Variants in PTPRM observed in about 807,000 individuals in gnomAD.
PTPRM encodes the protein receptor-type tyrosine-protein phosphatase mu.
PTPRM carries 47 observed loss-of-function variants against 186.7 expected under a neutral mutation model. The observed-to-expected ratio is 0.25, with a 90% CI of 0.20 to 0.32. The LOEUF is 0.32. Ranked by LOEUF, PTPRM falls within the 10% of genes least tolerant of loss-of-function variation. The probability of loss-of-function intolerance (pLI) is 1.00; values close to 1 mark genes in which losing one functional copy is unlikely to be tolerated. For synonymous variants in PTPRM, 668 were observed against 674.9 expected (o/e 0.99, Z 0.16); for missense variants, 1,494 against 1,865.0 (o/e 0.80, Z 3.66).
chr18:7,790,094 T>G (rs544412590), intron 2 of PTPRM, among the ~76,000 whole-genome samples: 32 of 152,340 alleles, frequency 2.1e-4, no homozygotes, highest in Middle Eastern at 3.4e-3. Context: ...CAGGTGACTT[T>G]GCTTGACTTC....
At chr18:8,393,077 G>A (rs141423437) in intron 31 of PTPRM, among the ~76,000 whole-genome samples, 9 of 152,300 alleles carry the variant, frequency 5.9e-5, no homozygotes, top group East Asian at 5.8e-4. Flanking sequence ...AAATATTTGC[G>A]TAGTCCCAAA....
At chr18:7,587,218 G>A (rs1051654052) in intron 1 of PTPRM, among the ~76,000 whole-genome samples, 3 of 152,108 alleles carry the variant, frequency 2.0e-5, no homozygotes, top group African/African-American at 7.2e-5. Flanking sequence ...AATCAACTGG[G>A]CTTTCGATGA....
chr18:8,178,352 A>G (rs1212929857), intron 14 of PTPRM, among the ~76,000 whole-genome samples: 2 of 152,066 alleles, frequency 1.3e-5, no homozygotes, highest in Non-Finnish European at 1.5e-5. Flanking sequence ...TCTCCCTCCA[A>G]TCTCCATTTT....
chr18:8,179,704 G>A lies in PTPRM; in HGVS notation c.2300+35925G>A, dbSNP rs62091284. ...AGGATGGTCTTGATCTCTTGACCTC[G>A]TGATCTTCCCGCCTCAGCTTCCTAA... On this transcript the variant is annotated intron_variant, in intron 14 of 32. Transcript: ENST00000580170. Among the ~76,000 whole-genome samples the A allele has an allele frequency of 6.8e-4, 104 of 152,038 alleles. 2 individuals carry two copies. Among genetic ancestry groups the A allele is most frequent in the African/African-American group, 2.1e-3 (88 of 41,466 alleles).
At chr18:7,587,646 ACCC>A (rs1473464643) in intron 1 of PTPRM, among the ~76,000 whole-genome samples, 3 of 152,102 alleles carry the variant, frequency 2.0e-5, no homozygotes, top group Admixed American at 6.6e-5. Context: ...ATCTTGTTTA[ACCC>A]AGAAATATGA....
intron 7 of PTPRM, among the ~76,000 whole-genome samples, chr18:7,978,255 T>C (rs954247999): frequency 3.3e-5 from 5 of 152,204 alleles, no homozygotes; most frequent in Admixed American, 1.3e-4. Context: ...GTGAGGTGAC[T>C]AGTCGTATAG....
chr18:7,817,111 A>G lies in PTPRM; in HGVS notation c.196+42840A>G, dbSNP rs1201850868. 3.3e-5 allele frequency among the ~76,000 whole-genome samples: 5 copies of G among 151,308 alleles called. No individual in the cohort carries two copies. The South Asian group carries it at 1.0e-3, about 31-fold the overall frequency. The stretch of plus-strand genomic sequence containing the variant: ...TGCCTCAGCCTCCCGAGTAGCTGGG[A>G]TTACAGACATGTGCCACTATGCCTG... On this transcript the variant is annotated intron_variant, in intron 2 of 32. Coordinates refer to ENST00000580170, the MANE Select transcript of PTPRM (RefSeq NM_001105244.2).
chr18:8,227,769 A>C (rs1733414805), intron 14 of PTPRM, among the ~76,000 whole-genome samples: 1 of 152,242 alleles, frequency 6.6e-6, no homozygotes, highest in African/African-American at 2.4e-5. Context: ...ATCTTGCTGC[A>C]GAGTGACATT....
At chr18:7,724,299 A>G (rs1336372953) in intron 1 of PTPRM, among the ~76,000 whole-genome samples, 2 of 152,202 alleles carry the variant, frequency 1.3e-5, no homozygotes, top group Non-Finnish European at 2.9e-5. Flanking sequence ...CACAAAGACA[A>G]TCATGATCGT....
intron 4 of PTPRM, among the ~76,000 whole-genome samples, chr18:7,911,045 T>G (rs1317129621): frequency 1.3e-5 from 2 of 152,242 alleles, no homozygotes; most frequent in Admixed American, 6.5e-5. Context: ...TGGCCCTTTG[T>G]GTCTGGCTTC....
At chr18:7,787,428 A>T (rs1039886357) in intron 2 of PTPRM, among the ~76,000 whole-genome samples, 1 of 152,172 alleles carries the variant, frequency 6.6e-6, no homozygotes, top group Non-Finnish European at 1.5e-5. Flanking sequence ...GTTGCATTTG[A>T]CTTAGATGTT....
At chr18:8,130,207 T>C (rs2092468597) in intron 13 of PTPRM, among the ~76,000 whole-genome samples, 1 of 152,178 alleles carries the variant, frequency 6.6e-6, no homozygotes, top group African/African-American at 2.4e-5. Context: ...CCAGCTTAGC[T>C]ACCCTATATT....
At chr18:7,910,798 T>C (rs1233634413) in intron 4 of PTPRM, among the ~76,000 whole-genome samples, 1 of 152,174 alleles carries the variant, frequency 6.6e-6, no homozygotes, top group African/African-American at 2.4e-5. Context: ...GGGGAGGCAG[T>C]GTGCAAAGGA....
intron 2 of PTPRM, among the ~76,000 whole-genome samples, chr18:7,816,278 A>G (rs331418): frequency 0.65 from 98,753 of 152,040 alleles, 32,729 homozygotes; most frequent in East Asian, 0.95. Flanking sequence ...CTCAGAGTTC[A>G]TATGGCATAG....
intron 28 of PTPRM, among the ~76,000 whole-genome samples, chr18:8,379,895 G>A (rs563840884): frequency 1.3e-5 from 2 of 152,094 alleles, no homozygotes; most frequent in South Asian, 2.1e-4. Flanking sequence ...TATTCTTTAC[G>A]GCAGAAATAA....
At position 7,567,914 on chromosome 18, in the gene PTPRM, C is replaced by T. The variant is rs752826135; in HGVS notation, c.73+23C>T. 3.3e-5 allele frequency: 51 copies of T among 1,536,332 alleles called. No individual in the cohort carries two copies. Among genetic ancestry groups the T allele is most frequent in the Non-Finnish European group, 3.7e-5 (43 of 1,150,744 alleles). ...CAGGTAAGCGGGACCGCCTCTGCCG[C>T]CCCCGAGGCGCGCGGGCCGGCGCGG... On this transcript the variant is annotated intron_variant, in intron 1 of 32. Coordinates refer to ENST00000580170, the MANE Select transcript of PTPRM (RefSeq NM_001105244.2). This position sits in a 1 kb window ranked among gnomAD's most constrained non-coding sequence, Gnocchi z 4.3.
intron 7 of PTPRM, among the ~76,000 whole-genome samples, chr18:7,963,385 C>G (rs2053809679): frequency 6.6e-6 from 1 of 152,166 alleles, no homozygotes; most frequent in Non-Finnish European, 1.5e-5. Context: ...ACTGCTGGAG[C>G]AATTCTGCAT....
intron 7 of PTPRM, among the ~76,000 whole-genome samples, chr18:8,002,989 G>A (rs1450985246): frequency 1.3e-5 from 2 of 152,054 alleles, no homozygotes; most frequent in African/African-American, 4.8e-5. Context: ...TTCTCTATTA[G>A]GACCAAAAAG....
intron 18 of PTPRM, among the ~76,000 whole-genome samples, chr18:8,252,925 T>C (rs2094541337): frequency 6.6e-6 from 1 of 152,164 alleles, no homozygotes. Flanking sequence ...TGATGAAGTT[T>C]CAGGTTGAAA....
Sources: gnomAD v4.1 joint callset for allele counts (sites outside exome capture counted in the v4.1 genomes callset) on GRCh38, gnomAD v4.1.1 for gene constraint, Gnocchi (gnomAD v3.1) non-coding constraint, MANE v1.5 for transcripts, NCBI Gene and HGNC (gene_info 2026-07-23, HGNC 2026-07-21) for gene names.